ANOS1: variants seen among roughly 807,000 people sequenced by gnomAD.
ANOS1 encodes anosmin-1.
In ANOS1, 6 loss-of-function variants were observed where a neutral mutation model predicts 59.0. That is an observed-to-expected ratio of 0.10 (90% CI 0.06 to 0.20). ANOS1 has a LOEUF of 0.20. Ranked by LOEUF, ANOS1 falls within the 10% of genes least tolerant of loss-of-function variation. The pLI, the probability that ANOS1 is intolerant of heterozygous loss-of-function variation, is 1.00. For synonymous variants in ANOS1, 217 were observed against 223.4 expected, an observed-to-expected ratio of 0.97 and a Z score of 0.25; for missense variants, 433 against 542.3, an observed-to-expected ratio of 0.80 and a Z score of 2.00.
chrX:8,570,630 C>A lies in ANOS1; in HGVS notation c.931G>T (p.Val311Phe), dbSNP rs377478797. The A allele has an allele frequency of 8.3e-7, 1 of 1,210,681 alleles. No individual in the cohort carries two copies. Among genetic ancestry groups the A allele is most frequent in the Non-Finnish European group, 1.1e-6 (1 of 894,661 alleles). ...STVNSDGSVTVTIVWDLPEEP... is the reference protein window; with the variant it reads ...STVNSDGSVTFTIVWDLPEEP... The stretch of plus-strand genomic sequence containing the variant: ...TCGGGGAGATCCCAAACTATAGTGA[C>A]GGTCACACTCCCATCACTGTTGACG... Residue 311 changes from valine (V) to phenylalanine (F), a missense_variant, in exon 7 of 14, where the codon GTC becomes TTC. Physicochemically the swap from Val to Phe is conservative, Grantham distance 50. Coordinates refer to ENST00000262648, the MANE Select transcript of ANOS1 (RefSeq NM_000216.4).
At chrX:8,699,192 T>C (rs1454806310) in intron 2 of ANOS1, among the ~76,000 whole-genome samples, 1 of 111,663 alleles carries the variant, frequency 9.0e-6, no homozygotes, top group African/African-American at 3.3e-5. Context: ...ATAAGTAACA[T>C]AATAAAGTTT....
At position 8,532,452 on chromosome X, in the gene ANOS1, G is replaced by A. The variant is rs1244157184; in HGVS notation, c.*543C>T. Reference sequence around the variant, plus strand: ...TAGGAGCATTTTTAGATTTAAATTCGCTGGTATATTTTAGATTACACATTT... The same window carrying A: ...TAGGAGCATTTTTAGATTTAAATTCACTGGTATATTTTAGATTACACATTT... On this transcript the variant is annotated 3_prime_UTR_variant, in exon 14 of 14. Transcript: ENST00000262648. The A allele has an allele frequency of 9.0e-6, 1 of 111,541 alleles. No individual in the cohort carries two copies. The highest frequency in any genetic ancestry group is 2.8e-4 in the East Asian group (1 of 3,564). 9.2% of individuals were successfully genotyped at this position (111,541 alleles called of 1,213,427 possible).
chrX:8,655,957 G>C (rs1931924673), intron 2 of ANOS1, among the ~76,000 whole-genome samples: 1 of 112,207 alleles, frequency 8.9e-6, no homozygotes, highest in Admixed American at 9.5e-5. Flanking sequence ...AACATCAGTG[G>C]AGTAAGCAGA....
At position 8,708,066 on chromosome X, in the gene ANOS1, A is replaced by G. The variant is rs146763396; in HGVS notation, c.208-8321T>C. Among the ~76,000 whole-genome samples the G allele has an allele frequency of 1.5e-4, 17 of 111,859 alleles. No homozygotes were observed. In the East Asian group the frequency reaches 4.5e-3, roughly 30 times the overall value. On this transcript the variant is annotated intron_variant, in intron 1 of 13. Coordinates refer to ENST00000262648, the MANE Select transcript of ANOS1 (RefSeq NM_000216.4). ...TGGTGAGACCCCATCTCTACTAAAA[A>G]TACAAAAATAATCTGGGCATGCCAG...
At chrX:8,612,551 GTT>G (rs60402454) in intron 3 of ANOS1, among the ~76,000 whole-genome samples, 10 of 60,829 alleles carry the variant, frequency 1.6e-4, no homozygotes, top group African/African-American at 4.4e-4. Flanking sequence ...AAAACAAGAA[GTT>G]TTTTTTTTTT....
At chrX:8,633,271 A>G (rs747155010) in intron 2 of ANOS1, among the ~76,000 whole-genome samples, 17 of 111,826 alleles carry the variant, frequency 1.5e-4, no homozygotes, top group African/African-American at 5.2e-4. Context: ...ATCAGGAAAC[A>G]CGGGCCTCAT....
intron 6 of ANOS1, among the ~76,000 whole-genome samples, chrX:8,584,114 T>C (rs142243243): frequency 0.012 from 1,326 of 112,249 alleles, 23 homozygotes; most frequent in African/African-American, 0.041. Context: ...GCAGTCTTAT[T>C]CACAGAGCAC....
At position 8,570,695 on chromosome X, in the gene ANOS1, G is replaced by T; in HGVS notation, c.866C>A (p.Ala289Asp). The change falls in exon 7 of 14, where the codon GCC becomes GAC. Residue 289 changes from alanine to aspartate, a missense_variant. Coordinates refer to ENST00000262648, the MANE Select transcript of ANOS1 (RefSeq NM_000216.4). ...KHFRSSKDPS[A>D]PPAPANLRLA... Reference sequence around the variant, plus strand: ...CCGGAGGTTAGCCGGTGCTGGTGGGGCAGATGGATCTGAAATCCCAGTACA... The same window carrying T: ...CCGGAGGTTAGCCGGTGCTGGTGGGTCAGATGGATCTGAAATCCCAGTACA... The T allele has an allele frequency of 1.7e-6, 2 of 1,209,854 alleles. No homozygotes were observed. Among genetic ancestry groups the T allele is most frequent in the Non-Finnish European group, 2.2e-6 (2 of 894,184 alleles).
intron 1 of ANOS1, among the ~76,000 whole-genome samples, chrX:8,729,447 G>C (rs1932950025): frequency 1.1e-5 from 1 of 88,956 alleles, no homozygotes; most frequent in African/African-American, 4.4e-5. Flanking sequence ...CACCCAGGCT[G>C]GAGTGCAGTG....
intron 2 of ANOS1, among the ~76,000 whole-genome samples, chrX:8,636,856 T>C (rs1931580648): frequency 8.9e-6 from 1 of 112,227 alleles, no homozygotes; most frequent in Non-Finnish European, 1.9e-5. Context: ...CATTATGTGG[T>C]AGGTCTGCTC....
At chrX:8,714,762 C>T (rs1395083855) in intron 1 of ANOS1, among the ~76,000 whole-genome samples, 1 of 111,785 alleles carries the variant, frequency 8.9e-6, no homozygotes, top group African/African-American at 3.2e-5. Context: ...ATGTTTTCCC[C>T]TTCTAATTGA....
chrX:8,625,291 A>T, intron 2 of ANOS1, among the ~76,000 whole-genome samples: 1 of 111,716 alleles, frequency 9.0e-6, no homozygotes, highest in South Asian at 3.8e-4. Flanking sequence ...ATTAATAGTC[A>T]TATAGTCAGA....
At chrX:8,730,944 G>T (rs375608568) in intron 1 of ANOS1, among the ~76,000 whole-genome samples, 4 of 112,329 alleles carry the variant, frequency 3.6e-5, no homozygotes, top group Non-Finnish European at 7.5e-5. Flanking sequence ...GTCCCGCGGG[G>T]GTCCGCGCCA....
At chrX:8,566,594 C>G (rs1930118351) in intron 8 of ANOS1, among the ~76,000 whole-genome samples, 1 of 110,895 alleles carries the variant, frequency 9.0e-6, no homozygotes, top group South Asian at 3.8e-4. Context: ...CATAGGCACA[C>G]AATTTCAATG....
chrX:8,536,202 T>TTC (rs1929589209), intron 11 of ANOS1, among the ~76,000 whole-genome samples: 3 of 75,804 alleles, frequency 4.0e-5, no homozygotes, highest in African/African-American at 1.7e-4. Flanking sequence ...TTTTTTTTTT[T>TTC]TTTTTTTTTT....
intron 2 of ANOS1, among the ~76,000 whole-genome samples, chrX:8,645,151 A>G (rs1931730405): frequency 8.9e-6 from 1 of 112,701 alleles, no homozygotes; most frequent in South Asian, 3.6e-4. Context: ...ACTGTAAAAG[A>G]ACTCAGCTGC....
intron 8 of ANOS1, among the ~76,000 whole-genome samples, chrX:8,557,630 A>G (rs1034654997): frequency 8.9e-6 from 1 of 112,396 alleles, no homozygotes; most frequent in African/African-American, 3.2e-5. Context: ...ATTAGATACC[A>G]TCTCATGCCA....
At chrX:8,626,372 C>T (rs769426918) in intron 2 of ANOS1, among the ~76,000 whole-genome samples, 1 of 110,171 alleles carries the variant, frequency 9.1e-6, no homozygotes, top group South Asian at 3.8e-4. Context: ...AGTAATGTTG[C>T]ATATGAACAT....
In ANOS1 at chrX:8,659,536, TCTTTCCTTCCTTCCTTCC is replaced by T. The variant is rs1465496075; in HGVS notation, c.256-35884_256-35867del. 1.0e-3 allele frequency among the ~76,000 whole-genome samples: 93 copies of T among 93,302 alleles called. 1 individual carries two copies. Among genetic ancestry groups the T allele is most frequent in the African/African-American group, 4.5e-3 (90 of 20,096 alleles). 81.0% of individuals were successfully genotyped at this position (93,302 alleles called of 115,157 possible). ...TTGCTTGCTTTTCTTTCTTTCTTTC[TCTTTCCTTCCTTCCTTCC>T]TTCCTTCCTTCCTCCCTGCTTGCTT... On this transcript the variant is annotated intron_variant, in intron 2 of 13. Coordinates refer to ENST00000262648, the MANE Select transcript of ANOS1 (RefSeq NM_000216.4).
Sources: allele counts gnomAD v4.1 joint callset (sites outside exome capture counted in the v4.1 genomes callset), GRCh38; gene constraint gnomAD v4.1.1; transcripts MANE v1.5; gene names NCBI Gene and HGNC (gene_info 2026-07-23, HGNC 2026-07-21).